Variants in CLNK observed in about 807,000 individuals in gnomAD.
CLNK encodes cytokine-dependent hematopoietic cell linker.
In CLNK, 74 loss-of-function variants were observed where a neutral mutation model predicts 68.6. That is an observed-to-expected ratio of 1.08 (90% CI 0.89 to 1.31). The LOEUF (loss-of-function observed/expected upper bound fraction) is 1.31, where lower values mean the gene tolerates loss of function less well. Ranked by LOEUF, CLNK falls within the 50% of genes most tolerant of loss-of-function variation. The probability of loss-of-function intolerance (pLI) is 0.00; values close to 1 mark genes in which losing one functional copy is unlikely to be tolerated. For missense variants in CLNK, 553 were observed against 515.3 expected (o/e 1.07, Z -0.71); for synonymous variants, 198 against 172.2 (o/e 1.15, Z -1.17).
chr4:10,681,723 C>T (rs1002141485), intron 1 of CLNK, among the ~76,000 whole-genome samples: 1 of 152,128 alleles, frequency 6.6e-6, no homozygotes, highest in Non-Finnish European at 1.5e-5. Flanking sequence ...GTGATTGATG[C>T]CCTGATCATG....
rs367625854 is a variant in CLNK at position 10,625,575 on chromosome 4, G to A, written c.12-27526C>T. 1.1e-4 allele frequency among the ~76,000 whole-genome samples: 16 copies of A among 152,294 alleles called. 1 individual carries two copies. The South Asian group carries it at 2.5e-3, about 24-fold the overall frequency. On this transcript the variant is annotated intron_variant, in intron 2 of 18. Coordinates refer to ENST00000226951, the MANE Select transcript of CLNK (RefSeq NM_052964.4). ...AGAGACAGAGAAGGACAGACACAGAGAGATACAGAGAGACAGGGTCAGAAA... is the reference window on the plus strand; with the variant it reads ...AGAGACAGAGAAGGACAGACACAGAAAGATACAGAGAGACAGGGTCAGAAA...
rs1577181940 is a variant in CLNK, at chr4:10,629,588, A to G, written c.12-31539T>C. On this transcript the variant is annotated intron_variant, in intron 2 of 18. Transcript: ENST00000226951. ...GCCCACATCAAGAAAACCTCAGCAC[A>G]AGGTTGAGTGTTTCAGCAAACCTCG... Among the ~76,000 whole-genome samples the G allele has an allele frequency of 3.3e-5, 5 of 152,284 alleles. No individual in the cohort carries two copies. In the Middle Eastern group the frequency reaches 0.014, roughly 414 times the overall value.
intron 2 of CLNK, among the ~76,000 whole-genome samples, chr4:10,635,527 G>A (rs1723049653): frequency 6.6e-6 from 1 of 152,072 alleles, no homozygotes; most frequent in Non-Finnish European, 1.5e-5. Context: ...CATCTGTGCT[G>A]GATGTGGAAA....
rs933835408 is a variant in CLNK at position 10,525,841 on chromosome 4, C to T, written c.731G>A (p.Ser244Asn). ...TGAGAAAGGATTCCTGGCTCCTTACCTGCTAATGGCAAGTGGAATCTCTTG... is the reference window on the plus strand; with the variant it reads ...TGAGAAAGGATTCCTGGCTCCTTACTTGCTAATGGCAAGTGGAATCTCTTG... ...NTQEIPLAISSSSFTTSNHSV... is the reference protein window; with the variant it reads ...NTQEIPLAISNSSFTTSNHSV... The change falls in exon 14 of 19, where the codon AGT (serine) becomes AAT (asparagine). Residue 244 changes from serine to asparagine, a missense_variant and splice_region_variant. Coordinates refer to ENST00000226951, the MANE Select transcript of CLNK (RefSeq NM_052964.4). 2 of 1,569,596 alleles carry T rather than the reference C, an allele frequency of 1.3e-6. No homozygotes were observed. The highest frequency in any genetic ancestry group is 1.3e-5 in the African/African-American group (1 of 74,154).
At chr4:10,732,585 A>G in the CLNK span, among the ~76,000 whole-genome samples, 16 of 152,182 alleles carry the variant, frequency 1.1e-4, no homozygotes, top group South Asian at 4.1e-4. Flanking sequence ...AGCCTTTTAC[A>G]TTCCATCTAA....
chr4:10,491,916 T>C (rs1184680235), intron 18 of CLNK, among the ~76,000 whole-genome samples: 1 of 152,186 alleles, frequency 6.6e-6, no homozygotes, highest in Non-Finnish European at 1.5e-5. Flanking sequence ...TTTTCATCCC[T>C]TAGCCCCCTT....
At chr4:10,715,679 A>G in the CLNK span, among the ~76,000 whole-genome samples, 1 of 152,236 alleles carries the variant, frequency 6.6e-6, no homozygotes, top group Admixed American at 6.5e-5. Flanking sequence ...ATAGATTATA[A>G]CTAAGAATAT....
At chr4:10,580,058 C>A (rs1720719535) in intron 4 of CLNK, among the ~76,000 whole-genome samples, 1 of 152,148 alleles carries the variant, frequency 6.6e-6, no homozygotes, top group African/African-American at 2.4e-5. Context: ...TTCTTTCTTG[C>A]CTATTAAACT....
intron 14 of CLNK, 97 bp downstream of exon 14, chr4:10,525,744 T>A (rs1718287682): frequency 1.4e-6 from 1 of 691,314 alleles, no homozygotes; most frequent in African/African-American, 1.8e-5. Flanking sequence ...AAACAAAGAC[T>A]TTCGTTTCTC....
Position 10,555,204 on chromosome 4 carries a change from AT to A in CLNK, c.445+3202del, listed in dbSNP as rs145562361. ...ATACATGTTCACTAGCCTAGGCATA[AT>A]TTTTTTTTTCTTTTCTTGGAGGCTT... On this transcript the variant is annotated intron_variant, in intron 8 of 18. Coordinates refer to ENST00000226951, the MANE Select transcript of CLNK (RefSeq NM_052964.4). Among the ~76,000 whole-genome samples, 563 of 150,246 alleles carry A rather than the reference AT, an allele frequency of 3.7e-3. 2 individuals carry two copies. The highest frequency in any genetic ancestry group is 0.013 in the African/African-American group (521 of 40,948).
upstream of CLNK, among the ~76,000 whole-genome samples, chr4:10,689,570 A>G (rs893649428): frequency 2.0e-5 from 3 of 152,096 alleles, no homozygotes; most frequent in Admixed American, 2.0e-4. Context: ...GGCTCCTGTC[A>G]GGCAGCTGGT....
At chr4:10,540,195 C>G (rs114534077) in intron 11 of CLNK, among the ~76,000 whole-genome samples, 1 of 152,136 alleles carries the variant, frequency 6.6e-6, no homozygotes, top group African/African-American at 2.4e-5. Context: ...ATACAGGGCT[C>G]TTCGCCATTT....
intron 3 of CLNK, among the ~76,000 whole-genome samples, chr4:10,593,163 C>T (rs12163882): frequency 0.2 from 30,617 of 152,048 alleles, 3,210 homozygotes; most frequent in East Asian, 0.25. Context: ...CCTTTCAGGG[C>T]GGCACTCCGC....
intron 2 of CLNK, among the ~76,000 whole-genome samples, chr4:10,652,137 T>G (rs1480014778): frequency 2.0e-5 from 3 of 151,938 alleles, no homozygotes; most frequent in African/African-American, 7.2e-5. Flanking sequence ...TCCCAGCACT[T>G]TGGGAGGCCA....
Position 10,616,784 on chromosome 4 carries a change from GTGTGTGTATA to G in CLNK, c.12-18745_12-18736del, listed in dbSNP as rs140509240. Among the ~76,000 whole-genome samples, 19 of 11,184 alleles carry G rather than the reference GTGTGTGTATA, an allele frequency of 1.7e-3. 1 individual carries two copies. The highest frequency in any genetic ancestry group is 4.2e-3 in the Non-Finnish European group (11 of 2,622). 7.3% of individuals were successfully genotyped at this position (11,184 alleles called of 152,430 possible). A position where few individuals can be genotyped will look rare whatever the true frequency, so the allele number is the denominator to read the frequency against. ...TAAAGTTGTGTGTGTATATATGTGTGTGTGTGTATATATATATATATATATATATATATAT... is the reference window on the plus strand; with the variant it reads ...TAAAGTTGTGTGTGTATATATGTGTGTATATATATATATATATATATATAT... On this transcript the variant is annotated intron_variant, in intron 2 of 18. Coordinates refer to ENST00000226951, the MANE Select transcript of CLNK (RefSeq NM_052964.4).
intron 4 of CLNK, among the ~76,000 whole-genome samples, chr4:10,580,868 G>A (rs1414945633): frequency 3.3e-5 from 5 of 152,066 alleles, no homozygotes; most frequent in Non-Finnish European, 4.4e-5. Flanking sequence ...TTATCAGTTC[G>A]ATGTAGCCTA....
At chr4:10,727,784 C>T in the CLNK span, among the ~76,000 whole-genome samples, 2 of 152,170 alleles carry the variant, frequency 1.3e-5, no homozygotes, top group African/African-American at 4.8e-5. Flanking sequence ...CACCAGGCAG[C>T]AGAGAGAAGA....
intron 2 of CLNK, among the ~76,000 whole-genome samples, chr4:10,608,526 T>C (rs1048387216): frequency 2.0e-5 from 3 of 152,260 alleles, no homozygotes; most frequent in Non-Finnish European, 4.4e-5. Flanking sequence ...CTGTGTTTTC[T>C]GAGCCCCCAG....
Position 10,594,572 on chromosome 4 carries a change from GC to G in CLNK, c.83+3405del, listed in dbSNP as rs1267032159. Among the ~76,000 whole-genome samples, 14 of 152,160 alleles carry G rather than the reference GC, an allele frequency of 9.2e-5. 1 individual carries two copies. Among genetic ancestry groups the G allele is most frequent in the Non-Finnish European group, 2.1e-4 (14 of 68,030 alleles). On this transcript the variant is annotated intron_variant, in intron 3 of 18. Coordinates refer to ENST00000226951, the MANE Select transcript of CLNK (RefSeq NM_052964.4). The stretch of plus-strand genomic sequence containing the variant: ...ATGATGCTGAAGCTGCTGGTCCCAG[GC>G]CCATGCTCTAGGAGCCACAGCTACC...
Sources: allele counts gnomAD v4.1 joint callset (sites outside exome capture counted in the v4.1 genomes callset), GRCh38; gene constraint gnomAD v4.1.1; transcripts MANE v1.5; gene names NCBI Gene and HGNC (gene_info 2026-07-23, HGNC 2026-07-21).